SLC22A24: variants seen among roughly 807,000 people sequenced by gnomAD.
SLC22A24 encodes the protein steroid transmembrane transporter SLC22A24.
SLC22A24 carries 53 observed loss-of-function variants against 49.8 expected under a neutral mutation model. The ratio of observed to expected loss-of-function variants is 1.06; its 90% CI spans 0.85 to 1.34. The LOEUF is 1.34. Among genes scored for constraint, SLC22A24 ranks in the 40% most tolerant of loss-of-function variants. The probability of loss-of-function intolerance (pLI) is 0.00; values close to 1 mark genes in which losing one functional copy is unlikely to be tolerated. For synonymous variants in SLC22A24, 302 were observed against 256.4 expected, an observed-to-expected ratio of 1.18 and a Z score of -1.70; for missense variants, 786 against 675.9, an observed-to-expected ratio of 1.16 and a Z score of -1.81.
At chr11:63,083,130 CT>C in intron 7 of SLC22A24, 112 bp downstream of exon 7, 1 of 819,118 alleles carries the variant, frequency 1.2e-6, no homozygotes, top group Non-Finnish European at 2.0e-6. Flanking sequence ...TTCAGGGAAT[CT>C]TTTGGCTGTC....
chr11:63,124,593 C>G, intron 2 of SLC22A24, among the ~76,000 whole-genome samples: 1 of 152,270 alleles, frequency 6.6e-6, no homozygotes, highest in South Asian at 2.1e-4. Context: ...GGTCATCTTA[C>G]AAATCTGAGC....
intron 4 of SLC22A24, among the ~76,000 whole-genome samples, chr11:63,108,281 A>G (rs1308668072): frequency 1.3e-5 from 2 of 152,194 alleles, no homozygotes; most frequent in Non-Finnish European, 2.9e-5. Flanking sequence ...CCAGGGATGA[A>G]GCCGACTTGA....
At chr11:63,085,629 A>G (rs2086982943) in intron 6 of SLC22A24, among the ~76,000 whole-genome samples, 1 of 152,208 alleles carries the variant, frequency 6.6e-6, no homozygotes, top group Admixed American at 6.5e-5. Flanking sequence ...TAAAGAAATA[A>G]AAAGCAAATA....
chr11:63,110,190 C>G (rs2087152716), intron 4 of SLC22A24, among the ~76,000 whole-genome samples: 1 of 151,254 alleles, frequency 6.6e-6, no homozygotes, highest in Non-Finnish European at 1.5e-5. Flanking sequence ...GGGCTCTGTT[C>G]TGTTCCATTG....
In SLC22A24 at chr11:63,093,490, C is replaced by T. The variant is rs557847050; in HGVS notation, c.1070+2501G>A. 5.3e-5 allele frequency among the ~76,000 whole-genome samples: 8 copies of T among 152,260 alleles called. No individual in the cohort carries two copies. In the South Asian group the frequency reaches 1.5e-3, roughly 28 times the overall value. On this transcript the variant is annotated intron_variant, in intron 6 of 9. Coordinates refer to ENST00000612278, the MANE Select transcript of SLC22A24 (RefSeq NM_001136506.2). Reference sequence around the variant, plus strand: ...AGATAAAGAAAATGTGGCACATATACACCATGGAATACTATGCAGCCATAA... The same window carrying T: ...AGATAAAGAAAATGTGGCACATATATACCATGGAATACTATGCAGCCATAA...
At chr11:63,087,024 G>GCGCGCGCGCA (rs376936925) in intron 6 of SLC22A24, among the ~76,000 whole-genome samples, 1 of 132,556 alleles carries the variant, frequency 7.5e-6, no homozygotes, top group Non-Finnish European at 1.5e-5. Flanking sequence ...CCTGGAGGGC[G>GCGCGCGCGCA]CACACACACA....
At chr11:63,098,916 A>G (rs987486340) in intron 5 of SLC22A24, among the ~76,000 whole-genome samples, 2 of 152,148 alleles carry the variant, frequency 1.3e-5, no homozygotes, top group African/African-American at 4.8e-5. Flanking sequence ...AAAATCAGAA[A>G]TGAAAAAGGT....
chr11:63,140,088 G>GTTTT (rs71065339), intron 1 of SLC22A24, among the ~76,000 whole-genome samples: 2 of 134,966 alleles, frequency 1.5e-5, no homozygotes, highest in African/African-American at 2.8e-5. Context: ...TTTTTTTTTT[G>GTTTT]TTTTTTTTTT....
At position 63,087,551 on chromosome 11, in the gene SLC22A24, C is replaced by G. The variant is rs140977572; in HGVS notation, c.1071-4094G>C. Among the ~76,000 whole-genome samples, 157 of 152,296 alleles carry G rather than the reference C, an allele frequency of 1.0e-3. 1 individual carries two copies. Among genetic ancestry groups the G allele is most frequent in the African/African-American group, 3.6e-3 (150 of 41,554 alleles). On this transcript the variant is annotated intron_variant, in intron 6 of 9. Transcript: ENST00000612278. Reference sequence around the variant, plus strand: ...GTATTTTTTCATATTCCAGTGGTGCCTGGAACCTTAGCAAGACAGAACCAT... The same window carrying G: ...GTATTTTTTCATATTCCAGTGGTGCGTGGAACCTTAGCAAGACAGAACCAT...
chr11:63,137,965 G>A (rs1319140927), intron 1 of SLC22A24: 1 of 152,220 alleles, frequency 6.6e-6, no homozygotes, highest in African/African-American at 2.4e-5. Context: ...TCATCTGCAA[G>A]GGTTTGATTA....
At position 63,111,635 on chromosome 11, in the gene SLC22A24, G is replaced by A. The variant is rs1248102338; in HGVS notation, c.830+7277C>T. ...CTTCTAGATTTTCTAGTTTATTTGT[G>A]TAGAGGTGTTTGTAGTATTCTCTGA... On this transcript the variant is annotated intron_variant, in intron 4 of 9. Transcript: ENST00000612278. Among the ~76,000 whole-genome samples, 3 of 150,476 alleles carry A rather than the reference G, an allele frequency of 2.0e-5. No homozygotes were observed. The South Asian group carries it at 6.3e-4, about 31-fold the overall frequency.
At chr11:63,124,588 T>C (rs1349200021) in intron 2 of SLC22A24, among the ~76,000 whole-genome samples, 1 of 152,204 alleles carries the variant, frequency 6.6e-6, no homozygotes. Flanking sequence ...GTTAGGGTCA[T>C]CTTACAAATC....
intron 6 of SLC22A24, among the ~76,000 whole-genome samples, chr11:63,084,379 T>G (rs2086975877): frequency 6.6e-6 from 1 of 152,092 alleles, no homozygotes; most frequent in Non-Finnish European, 1.5e-5. Context: ...AGAGAGAGCT[T>G]GTATGGAATC....
At chr11:63,100,935 A>G (rs1248201170) in intron 5 of SLC22A24, among the ~76,000 whole-genome samples, 1 of 152,138 alleles carries the variant, frequency 6.6e-6, no homozygotes, top group Non-Finnish European at 1.5e-5. Flanking sequence ...TGCAAACTAT[A>G]CATCTACTAT....
intron 1 of SLC22A24, among the ~76,000 whole-genome samples, chr11:63,135,313 A>G (rs2087365901): frequency 6.6e-6 from 1 of 152,136 alleles, no homozygotes; most frequent in Non-Finnish European, 1.5e-5. Flanking sequence ...AAAAATACCG[A>G]TGCCTAGATC....
chr11:63,137,331 T>A (rs989461844), intron 1 of SLC22A24, among the ~76,000 whole-genome samples: 18 of 152,280 alleles, frequency 1.2e-4, no homozygotes, highest in African/African-American at 4.3e-4. Context: ...CTCATCTTTG[T>A]GTGTGTTTGT....
chr11:63,083,912 G>T lies in SLC22A24; in HGVS notation c.1071-455C>A, dbSNP rs373585039. Among the ~76,000 whole-genome samples the T allele has an allele frequency of 2.0e-4, 30 of 152,050 alleles. 1 individual carries two copies. In the East Asian group the frequency reaches 2.3e-3, roughly 12 times the overall value. The stretch of plus-strand genomic sequence containing the variant: ...AGCATTGTGTGAGTCAAACTTCTCT[G>T]CTCCCGTTCAGAGACCTTCTTTACC... On this transcript the variant is annotated intron_variant, in intron 6 of 9. Transcript: ENST00000612278.
At chr11:63,087,157 T>TGG (rs2086992713) in intron 6 of SLC22A24, among the ~76,000 whole-genome samples, 1 of 150,718 alleles carries the variant, frequency 6.6e-6, no homozygotes, top group African/African-American at 2.4e-5. Flanking sequence ...GATGGCCAAG[T>TGG]GGGAACAGCT....
chr11:63,137,409 CTTAT>C (rs1291647478), intron 1 of SLC22A24, among the ~76,000 whole-genome samples: 1 of 152,086 alleles, frequency 6.6e-6, no homozygotes, highest in Non-Finnish European at 1.5e-5. Context: ...GAGAACCTTC[CTTAT>C]TTGTCTGGTT....
Sources: allele counts gnomAD v4.1 joint callset (sites outside exome capture counted in the v4.1 genomes callset), GRCh38; gene constraint gnomAD v4.1.1; transcripts MANE v1.5; gene names NCBI Gene and HGNC (gene_info 2026-07-23, HGNC 2026-07-21).